UBE2E1: variants seen among roughly 807,000 people sequenced by gnomAD.
UBE2E1 encodes ubiquitin conjugating enzyme E2 E1, also known as ubiquitin-conjugating enzyme E2 E1.
UBE2E1 carries 6 observed loss-of-function variants against 21.4 expected under a neutral mutation model. The ratio of observed to expected loss-of-function variants is 0.28; its 90% CI spans 0.15 to 0.55. The LOEUF (loss-of-function observed/expected upper bound fraction) is 0.55. Among genes scored for constraint, UBE2E1 ranks in the 20% least tolerant of loss-of-function variants. The pLI, the probability that UBE2E1 is intolerant of heterozygous loss-of-function variation, is 0.93. For synonymous variants in UBE2E1, 87 were observed against 82.7 expected (o/e 1.05, Z -0.28); for missense variants, 142 against 236.5 (o/e 0.60, Z 2.62).
chr3:23,864,124 T>G (rs1700606749), intron 3 of UBE2E1, among the ~76,000 whole-genome samples: 1 of 152,200 alleles, frequency 6.6e-6, no homozygotes, highest in Non-Finnish European at 1.5e-5. Context: ...CCCTAGCACT[T>G]GATTGATAGT....
At chr3:23,858,389 G>T (rs965535166) in intron 3 of UBE2E1, among the ~76,000 whole-genome samples, 1 of 152,040 alleles carries the variant, frequency 6.6e-6, no homozygotes, top group Admixed American at 6.6e-5. Context: ...GCATGATCTC[G>T]GCTCACTGCA....
intron 3 of UBE2E1, among the ~76,000 whole-genome samples, chr3:23,818,076 G>A (rs115122165): frequency 0.011 from 1,619 of 152,236 alleles, 29 homozygotes; most frequent in African/African-American, 0.037. Context: ...GGAAAGAGAG[G>A]TAGAAGACAG....
intron 3 of UBE2E1, among the ~76,000 whole-genome samples, chr3:23,873,897 A>G (rs1700858132): frequency 6.6e-6 from 1 of 152,238 alleles, no homozygotes; most frequent in South Asian, 2.1e-4. Context: ...ACTGAAAATT[A>G]TTATTACCAG....
rs918160504 is a variant in UBE2E1 at position 23,806,215 on chromosome 3, G to C, written c.-34+127G>C. On this transcript the variant is annotated intron_variant, in intron 1 of 5. Transcript: ENST00000306627. This position sits in a 1 kb window ranked among gnomAD's most constrained non-coding sequence, Gnocchi z 6.5. ...GGCCGCAGGGCACGGGGCCGGCGCG[G>C]GGGGGGAGCGGAGAGGGGCTGGGGA... The C allele has an allele frequency of 3.5e-4, 52 of 148,688 alleles. 1 individual carries two copies. Among genetic ancestry groups the C allele is most frequent in the Admixed American group, 2.3e-3 (34 of 15,016 alleles). The allele number at this position is 148,688 out of a possible 1,614,324, so 9.2% of individuals were successfully genotyped here.
rs1701242778 is a variant in UBE2E1 at position 23,888,343 on chromosome 3, T to A, written c.336+644T>A. The A allele has an allele frequency of 1.2e-5, 5 of 431,754 alleles. 1 individual carries two copies. The highest frequency in any genetic ancestry group is 6.6e-5 in the South Asian group (4 of 60,702). 26.7% of individuals were successfully genotyped at this position (431,754 alleles called of 1,614,324 possible). ...CAGAAAGAAAACCCCGTCTTGGGGA[T>A]TAGGTAGACTGCCAGATAAAAGTAC... is the stretch of plus-strand genomic sequence containing the variant. On this transcript the variant is annotated intron_variant, in intron 4 of 5. Transcript: ENST00000306627.
chr3:23,838,788 C>A (rs1251970834), intron 3 of UBE2E1, among the ~76,000 whole-genome samples: 1 of 152,114 alleles, frequency 6.6e-6, no homozygotes, highest in South Asian at 2.1e-4. Context: ...TGAGCCACTA[C>A]CGTGCCAGGC....
chr3:23,872,744 C>T (rs983542734), intron 3 of UBE2E1, among the ~76,000 whole-genome samples: 7 of 152,180 alleles, frequency 4.6e-5, no homozygotes, highest in Admixed American at 1.3e-4. Context: ...CTAGGCTGGG[C>T]GCAGTGGCTC....
At chr3:23,855,210 A>G (rs965194686) in intron 3 of UBE2E1, among the ~76,000 whole-genome samples, 9 of 152,216 alleles carry the variant, frequency 5.9e-5, no homozygotes, top group African/African-American at 2.2e-4. Flanking sequence ...TTGGTTAACT[A>G]AGGGACACAA....
rs573651718 is a variant in UBE2E1 at position 23,823,566 on chromosome 3, G to T, written c.203+12056G>T. Among the ~76,000 whole-genome samples the T allele has an allele frequency of 6.6e-6, 1 of 152,062 alleles. No homozygotes were observed. The highest frequency in any genetic ancestry group is 1.5e-5 in the Non-Finnish European group (1 of 68,008). On this transcript the variant is annotated intron_variant, in intron 3 of 5. Coordinates refer to ENST00000306627, the MANE Select transcript of UBE2E1 (RefSeq NM_003341.5). This position sits in a 1 kb window ranked among gnomAD's most constrained non-coding sequence, Gnocchi z 4.2. Reference sequence around the variant, plus strand: ...TTTTTAAGTTAATATATTAGAATTGGTGTTATAAAAATTTATTTCTTAGCA... The same window carrying T: ...TTTTTAAGTTAATATATTAGAATTGTTGTTATAAAAATTTATTTCTTAGCA...
intron 3 of UBE2E1, among the ~76,000 whole-genome samples, 184 bp downstream of exon 3, chr3:23,811,694 G>T (rs2884873): frequency 1.3e-5 from 2 of 152,192 alleles, no homozygotes; most frequent in African/African-American, 4.8e-5. Context: ...GACAAGCTCA[G>T]TACTGTTGAG....
chr3:23,827,667 T>G (rs1699786731), intron 3 of UBE2E1, among the ~76,000 whole-genome samples: 2 of 152,214 alleles, frequency 1.3e-5, no homozygotes, highest in African/African-American at 2.4e-5. Context: ...GTTGTTGATG[T>G]TAAATTTTAC....
At position 23,863,688 on chromosome 3, in the gene UBE2E1, G is replaced by A. The variant is rs1394072077; in HGVS notation, c.204-23879G>A. On this transcript the variant is annotated intron_variant, in intron 3 of 5. Transcript: ENST00000306627. The surrounding 1 kb of genome is among the most constrained non-coding windows in gnomAD (Gnocchi z 4.3). Reference sequence around the variant, plus strand: ...TGAGATTACAGGCATGCGCCACCACGCCTGGCTAATTTTCTATTTTTAGTA... The same window carrying A: ...TGAGATTACAGGCATGCGCCACCACACCTGGCTAATTTTCTATTTTTAGTA... Among the ~76,000 whole-genome samples, 5 of 152,004 alleles carry A rather than the reference G, an allele frequency of 3.3e-5. No homozygotes were observed. The highest frequency in any genetic ancestry group is 4.8e-5 in the African/African-American group (2 of 41,368).
intron 5 of UBE2E1, chr3:23,889,710 G>C (rs1701310839): frequency 1.0e-6 from 1 of 985,194 alleles, no homozygotes; most frequent in Non-Finnish European, 1.2e-6. Context: ...TAAATACTTA[G>C]TGACTATTGA....
intron 3 of UBE2E1, among the ~76,000 whole-genome samples, chr3:23,864,528 C>A (rs897451067): frequency 6.6e-6 from 1 of 152,042 alleles, no homozygotes; most frequent in African/African-American, 2.4e-5. Flanking sequence ...TTTTTGAAAT[C>A]TTTTGTTTGC....
At position 23,881,738 on chromosome 3, in the gene UBE2E1, C is replaced by T. The variant is rs149852267; in HGVS notation, c.204-5829C>T. Among the ~76,000 whole-genome samples the T allele has an allele frequency of 2.0e-5, 3 of 152,210 alleles. No individual in the cohort carries two copies. The East Asian group carries it at 5.8e-4, about 29-fold the overall frequency. On this transcript the variant is annotated intron_variant, in intron 3 of 5. Coordinates refer to ENST00000306627, the MANE Select transcript of UBE2E1 (RefSeq NM_003341.5). ...GGTGGGTTCTTGGTCTCACTGACTT[C>T]AAGAATGAAGCCGCGGACCCTCACG...
At chr3:23,833,051 G>A (rs1461553934) in intron 3 of UBE2E1, among the ~76,000 whole-genome samples, 1 of 152,122 alleles carries the variant, frequency 6.6e-6, no homozygotes, top group Non-Finnish European at 1.5e-5. Context: ...GGGAGAAAAA[G>A]AAAAATATAA....
At chr3:23,811,624 AC>A in intron 3 of UBE2E1, 114 bp downstream of exon 3, 1 of 967,384 alleles carries the variant, frequency 1.0e-6, no homozygotes, top group Non-Finnish European at 1.6e-6. Flanking sequence ...TTGTTATGGC[AC>A]TAACATCACG....
intron 3 of UBE2E1, among the ~76,000 whole-genome samples, chr3:23,814,385 G>T (rs1699466492): frequency 2.0e-5 from 3 of 152,188 alleles, no homozygotes; most frequent in Admixed American, 2.0e-4. Context: ...AGTACAGATT[G>T]TGTTCAATGA....
At chr3:23,878,933 G>A (rs1700977442) in intron 3 of UBE2E1, 3 of 376,382 alleles carry the variant, frequency 8.0e-6, no homozygotes, top group South Asian at 6.5e-5. Flanking sequence ...TGGAAAAATT[G>A]TCTTCCACAA....
Sources: gnomAD v4.1 joint callset for allele counts (sites outside exome capture counted in the v4.1 genomes callset) on GRCh38, gnomAD v4.1.1 for gene constraint, Gnocchi (gnomAD v3.1) non-coding constraint, MANE v1.5 for transcripts, NCBI Gene and HGNC (gene_info 2026-07-23, HGNC 2026-07-21) for gene names.